The following TENT2 variants were observed in gnomAD, a reference collection of about 807,000 sequenced individuals.
TENT2 encodes the protein poly(A) RNA polymerase GLD2.
A neutral mutation model predicts 72.2 loss-of-function variants in TENT2; 44 were observed. The ratio of observed to expected loss-of-function variants is 0.61; its 90% CI spans 0.48 to 0.78. The LOEUF (loss-of-function observed/expected upper bound fraction) is 0.78. Ranked by LOEUF, TENT2 falls within the 30% of genes least tolerant of loss-of-function variation. The pLI is 0.00. For missense variants in TENT2, 541 were observed against 569.6 expected, an observed-to-expected ratio of 0.95 and a Z score of 0.51; for synonymous variants, 212 against 192.5, an observed-to-expected ratio of 1.10 and a Z score of -0.84.
At chr5:79,640,741 C>A in intron 4 of TENT2, 110 bp from the exon 5 acceptor site, 1 of 599,122 alleles carries the variant, frequency 1.7e-6, no homozygotes, top group Non-Finnish European at 2.9e-6. Context: ...GAAGATAATA[C>A]ATACTCCCTT....
At position 79,613,463 on chromosome 5, in the gene TENT2, T is replaced by C. The variant is rs1413735403; in HGVS notation, c.-38+388T>C. 1.3e-5 allele frequency among the ~76,000 whole-genome samples: 2 copies of C among 152,242 alleles called. 1 individual carries two copies. The highest frequency in any genetic ancestry group is 2.9e-5 in the Non-Finnish European group (2 of 68,038). ...TGTAACTGATTACTAAATCTGTGTTTTTATATTACAGGTAACATAGTAACT... is the reference window on the plus strand; with the variant it reads ...TGTAACTGATTACTAAATCTGTGTTCTTATATTACAGGTAACATAGTAACT... On this transcript the variant is annotated intron_variant, in intron 1 of 14. Transcript: ENST00000453514.
chr5:79,639,157 CAGAT>C, intron 4 of TENT2, among the ~76,000 whole-genome samples: 1 of 151,320 alleles, frequency 6.6e-6, no homozygotes, highest in Admixed American at 6.6e-5. Context: ...TTTTTTTCCC[CAGAT>C]ATGTTCATTT....
In TENT2 at chr5:79,619,714, C is replaced by T; in HGVS notation, c.66C>T (p.Phe22=). The T allele has an allele frequency of 6.2e-7, 1 of 1,613,912 alleles. No homozygotes were observed. Among genetic ancestry groups the T allele is most frequent in the Non-Finnish European group, 8.5e-7 (1 of 1,179,838 alleles). ...FTPNHQQHNN[F]FTLSPTVYSH... Reference sequence around the variant, plus strand: ...CAAATCATCAACAACATAATAACTTCTTTACCCTGTCACCTACTGTTTATT... The same window carrying T: ...CAAATCATCAACAACATAATAACTTTTTTACCCTGTCACCTACTGTTTATT... The change falls in exon 2 of 15, where the codon TTC becomes TTT. Residue 22 remains phenylalanine (F), a synonymous_variant. Coordinates refer to ENST00000453514, the MANE Select transcript of TENT2 (RefSeq NM_001114394.3).
intron 8 of TENT2, 124 bp from the exon 9 acceptor site, chr5:79,648,493 T>C (rs1242482826): frequency 3.1e-6 from 2 of 649,958 alleles, no homozygotes; most frequent in Non-Finnish European, 2.7e-6. Flanking sequence ...AACACAGATC[T>C]ATGGCCTTTG....
At chr5:79,620,639 G>A (rs1764018658) in intron 3 of TENT2, 1 of 152,062 alleles carries the variant, frequency 6.6e-6, no homozygotes, top group South Asian at 2.1e-4. Flanking sequence ...CTTCTTCTAA[G>A]GACACCAGTC....
At chr5:79,619,907 G>T in intron 2 of TENT2, 87 bp from the exon 3 acceptor site, 3 of 1,453,126 alleles carry the variant, frequency 2.1e-6, no homozygotes, top group East Asian at 2.3e-5. Context: ...TTTTGATACG[G>T]ATGTATTTAA....
intron 11 of TENT2, among the ~76,000 whole-genome samples, chr5:79,659,553 A>AAATATATAT: frequency 3.7e-5 from 1 of 26,858 alleles, no homozygotes; most frequent in Non-Finnish European, 5.6e-5. Context: ...AAAAAAAAAA[A>AAATATATAT]ATGTATATAT....
At chr5:79,660,861 A>T (rs191352594) in intron 11 of TENT2, among the ~76,000 whole-genome samples, 1 of 152,284 alleles carries the variant, frequency 6.6e-6, no homozygotes, top group African/African-American at 2.4e-5. Flanking sequence ...TCCATGCATG[A>T]TATTGTCCCC....
At chr5:79,660,450 C>G (rs141740259) in intron 11 of TENT2, among the ~76,000 whole-genome samples, 23 of 152,094 alleles carry the variant, frequency 1.5e-4, no homozygotes, top group Non-Finnish European at 1.8e-4. Context: ...TATTTGTTTC[C>G]TTCGCTAAAA....
At chr5:79,668,760 A>T (rs1222118370) in intron 11 of TENT2, 132 bp from the exon 12 acceptor site, 9 of 1,037,978 alleles carry the variant, frequency 8.7e-6, no homozygotes, top group Non-Finnish European at 1.2e-5. Flanking sequence ...GAAAAATTTC[A>T]GGTTTCCAAA....
chr5:79,635,870 G>T (rs1178658733), intron 4 of TENT2, among the ~76,000 whole-genome samples: 1 of 152,090 alleles, frequency 6.6e-6, no homozygotes, highest in Non-Finnish European at 1.5e-5. Flanking sequence ...AATTTATTTT[G>T]CTATTCAACA....
chr5:79,620,057 A>G lies in TENT2; in HGVS notation c.201A>G (p.Ser67=). 6.2e-7 allele frequency: 1 copy of G among 1,610,318 alleles called. No homozygotes were observed. The highest frequency in any genetic ancestry group is 8.5e-7 in the Non-Finnish European group (1 of 1,177,312). Residue 67 remains serine (S), a synonymous_variant, in exon 3 of 15, where the codon TCA becomes TCG. Transcript: ENST00000453514. ...GAAATGTCAGTCCAATACAGACCTC[A>G]GCTTCCCCATTATTTCGAGGAAGGA... is the stretch of plus-strand genomic sequence containing the variant. ...TYGNVSPIQT[S]ASPLFRGRKR...
At chr5:79,644,299 T>G (rs1786989266) in intron 7 of TENT2, among the ~76,000 whole-genome samples, 1 of 152,154 alleles carries the variant, frequency 6.6e-6, no homozygotes, top group African/African-American at 2.4e-5. Context: ...ATTCTGTAAT[T>G]TTGATGGTAA....
chr5:79,677,946 G>A (rs991112301), intron 12 of TENT2, among the ~76,000 whole-genome samples: 10 of 152,092 alleles, frequency 6.6e-5, no homozygotes, highest in Non-Finnish European at 1.3e-4. Context: ...GACTATAGGC[G>A]CCACCACGCC....
intron 3 of TENT2, among the ~76,000 whole-genome samples, chr5:79,621,770 AAAC>A (rs1765118753): frequency 7.9e-6 from 1 of 127,356 alleles, no homozygotes; most frequent in Non-Finnish European, 1.6e-5. Context: ...AAAAAAAAAA[AAAC>A]AAAAAAAACA....
Position 79,645,197 on chromosome 5 carries a change from A to G in TENT2, c.821+5A>G, listed in dbSNP as rs755927140. 12 of 1,600,770 alleles carry G rather than the reference A, an allele frequency of 7.5e-6. No homozygotes were observed. Among genetic ancestry groups the G allele is most frequent in the Middle Eastern group, 1.7e-4 (1 of 6,048 alleles). ...GAAGTTCAGGGATAAAGTCAGGTAA[A>G]TAATTAATGAGCTTTCTTTTTTTAG... On this transcript the variant is annotated splice_donor_5th_base_variant and intron_variant, in intron 8 of 14. Coordinates refer to ENST00000453514, the MANE Select transcript of TENT2 (RefSeq NM_001114394.3).
chr5:79,651,536 T>C (rs1382925313), intron 10 of TENT2, among the ~76,000 whole-genome samples: 1 of 152,042 alleles, frequency 6.6e-6, no homozygotes, highest in Non-Finnish European at 1.5e-5. Context: ...CTCAGAATAA[T>C]GGACAGACCA....
intron 5 of TENT2, 60 bp downstream of exon 5, chr5:79,641,025 T>C: frequency 2.0e-6 from 1 of 504,014 alleles, no homozygotes; most frequent in Non-Finnish European, 2.9e-6. Context: ...AAATTTTATC[T>C]TTTTTTTTTT....
chr5:79,640,492 A>G (rs566532504), intron 4 of TENT2, among the ~76,000 whole-genome samples: 1 of 152,000 alleles, frequency 6.6e-6, no homozygotes, highest in Non-Finnish European at 1.5e-5. Flanking sequence ...GCATATTTTT[A>G]TTTGTTTGTT....
Sources: allele counts gnomAD v4.1 joint callset (sites outside exome capture counted in the v4.1 genomes callset), GRCh38; gene constraint gnomAD v4.1.1; transcripts MANE v1.5; gene names NCBI Gene and HGNC (gene_info 2026-07-23, HGNC 2026-07-21).